The following PCDHGA5 variants were observed in gnomAD, a reference collection of about 807,000 sequenced individuals.
PCDHGA5 encodes the protein protocadherin gamma subfamily A, 5.
A neutral mutation model predicts 56.7 loss-of-function variants in PCDHGA5; 36 were observed. That is an observed-to-expected ratio of 0.64 (90% CI 0.49 to 0.84). The LOEUF (loss-of-function observed/expected upper bound fraction) is 0.84. Ranked by LOEUF, PCDHGA5 falls within the 40% of genes least tolerant of loss-of-function variation. PCDHGA5 has a pLI of 0.00. For missense variants in PCDHGA5, 1,305 were observed against 1,201.5 expected (o/e 1.09, Z -1.27); for synonymous variants, 563 against 520.2 (o/e 1.08, Z -1.12).
intron 1 of PCDHGA5, among the ~76,000 whole-genome samples, chr5:141,494,447 G>C (rs1413012155): frequency 6.6e-6 from 1 of 152,118 alleles, no homozygotes. Context: ...GCCACTTTAG[G>C]GGGCTTTGTC....
intron 1 of PCDHGA5, chr5:141,420,313 C>T (rs751944742): frequency 1.6e-5 from 23 of 1,434,756 alleles, no homozygotes; most frequent in Non-Finnish European, 2.2e-5. Flanking sequence ...TTTTATATTA[C>T]AATATGCCAA....
At chr5:141,392,809 C>T in intron 1 of PCDHGA5, 1 of 1,578,772 alleles carries the variant, frequency 6.3e-7, no homozygotes, top group African/African-American at 1.4e-5. Flanking sequence ...TGCAGCAAAA[C>T]AACAATGGCC....
rs1262043820 is a variant in PCDHGA5, at chr5:141,415,755, T to TTG, written c.2421+49005_2421+49006insGT. Reference sequence around the variant, plus strand: ...GTTTATTAAGGTTTTTTTTTTTTTTTTTTTTTTTTTTTTTTTTACTTTCTG... The same window carrying TTG: ...GTTTATTAAGGTTTTTTTTTTTTTTTTGTTTTTTTTTTTTTTTTTACTTTCTG... On this transcript the variant is annotated intron_variant, in intron 1 of 3. Transcript: ENST00000518069. 56 of 1,387,630 alleles carry TTG rather than the reference T, an allele frequency of 4.0e-5. No individual in the cohort carries two copies. The African/African-American group carries it at 7.5e-4, about 19-fold the overall frequency. The allele number at this position is 1,387,630 out of a possible 1,614,324, so 86.0% of individuals were successfully genotyped here. A position where few individuals can be genotyped will look rare whatever the true frequency, so the allele number is the denominator to read the frequency against.
intron 1 of PCDHGA5, among the ~76,000 whole-genome samples, chr5:141,437,452 G>GACTAT (rs1319101256): frequency 6.6e-6 from 1 of 152,144 alleles, no homozygotes; most frequent in Non-Finnish European, 1.5e-5. Context: ...ATGTTGAGGA[G>GACTAT]ACTATACTAT....
chr5:141,467,572 G>A (rs1351985954), intron 1 of PCDHGA5, among the ~76,000 whole-genome samples: 1 of 152,184 alleles, frequency 6.6e-6, no homozygotes, highest in African/African-American at 2.4e-5. Flanking sequence ...TGGCTATCCA[G>A]TTGTCCCAAT....
intron 2 of PCDHGA5, among the ~76,000 whole-genome samples, chr5:141,498,573 A>G (rs7725519): frequency 0.52 from 78,890 of 151,684 alleles, 21,175 homozygotes; most frequent in African/African-American, 0.65. Flanking sequence ...CAGGGCTAGT[A>G]TTGAGTTCTT....
rs778960850 is a variant in PCDHGA5, at chr5:141,389,261, G to A, written c.2421+22510G>A. 2.0e-5 allele frequency: 32 copies of A among 1,613,890 alleles called. No homozygotes were observed. The East Asian group carries it at 7.1e-4, about 36-fold the overall frequency. ...CACAGTCTTCCTATATAGTCCACGT[G>A]GCCGAGAACAACCCGCCTGGAGCCT... On this transcript the variant is annotated intron_variant, in intron 1 of 3. Coordinates refer to ENST00000518069, the MANE Select transcript of PCDHGA5 (RefSeq NM_018918.3).
intron 3 of PCDHGA5, chr5:141,506,988 A>G (rs1364718512): frequency 1.3e-5 from 2 of 152,192 alleles, no homozygotes; most frequent in Non-Finnish European, 2.9e-5. Context: ...CTGATTTCTC[A>G]CACTCGACAG....
chr5:141,371,086 T>C (rs1767472872), intron 1 of PCDHGA5: 2 of 1,613,836 alleles, frequency 1.2e-6, no homozygotes, highest in Admixed American at 3.3e-5. Context: ...ATCAGGGTAA[T>C]TGTCGCAGAT....
intron 1 of PCDHGA5, chr5:141,415,170 C>T (rs781724309): frequency 3.7e-6 from 6 of 1,613,878 alleles, no homozygotes; most frequent in South Asian, 2.2e-5. Flanking sequence ...TCACGCTCAC[C>T]GTGGCCGTGG....
At chr5:141,423,022 T>C in intron 1 of PCDHGA5, 1 of 1,614,194 alleles carries the variant, frequency 6.2e-7, no homozygotes, top group Non-Finnish European at 8.5e-7. Flanking sequence ...GGACAAAGAT[T>C]CAGGCCAGAA....
Position 141,456,287 on chromosome 5 carries a change from C to A in PCDHGA5, c.2422-38520C>A, listed in dbSNP as rs951430060. On this transcript the variant is annotated intron_variant, in intron 1 of 3. Transcript: ENST00000518069. ...CTGGCTACTTCCTGCTGAAAAGGGGCGTCTAATGGAGAACAGCAGCTAGGG... is the reference window on the plus strand; with the variant it reads ...CTGGCTACTTCCTGCTGAAAAGGGGAGTCTAATGGAGAACAGCAGCTAGGG... Among the ~76,000 whole-genome samples, 11 of 152,166 alleles carry A rather than the reference C, an allele frequency of 7.2e-5. No individual in the cohort carries two copies. In the East Asian group the frequency reaches 1.9e-3, roughly 27 times the overall value.
intron 1 of PCDHGA5, chr5:141,442,400 C>G (rs1478739190): frequency 6.6e-6 from 1 of 152,224 alleles, no homozygotes; most frequent in Admixed American, 6.5e-5. Context: ...TCCTACGAAT[C>G]CAGGGCTGAG....
At chr5:141,475,950 C>T (rs1236145505) in intron 1 of PCDHGA5, 3 of 761,526 alleles carry the variant, frequency 3.9e-6, no homozygotes, top group East Asian at 2.7e-5. Context: ...CCCCTTTCTG[C>T]GCCCCGGGAT....
rs772487189 is a variant in PCDHGA5 at position 141,415,555 on chromosome 5, C to G, written c.2421+48804C>G. 5 of 1,613,954 alleles carry G rather than the reference C, an allele frequency of 3.1e-6. No homozygotes were observed. In the African/African-American group the frequency reaches 6.7e-5, roughly 22 times the overall value. On this transcript the variant is annotated intron_variant, in intron 1 of 3. Transcript: ENST00000518069. ...CCAGGAGAGCTGTGAGAAAAACGAT[C>G]CTTTGTCTTTGTTAGATGATTCGAA...
chr5:141,372,132 C>A, intron 1 of PCDHGA5: 1 of 1,613,718 alleles, frequency 6.2e-7, no homozygotes, highest in Non-Finnish European at 8.5e-7. Flanking sequence ...TATGGTGCCG[C>A]GCTCTGCAGA....
At chr5:141,413,716 C>T in intron 1 of PCDHGA5, 2 of 1,613,608 alleles carry the variant, frequency 1.2e-6, no homozygotes, top group Non-Finnish European at 1.7e-6. Flanking sequence ...CCCCAATAAG[C>T]ACTTCTCCCT....
At chr5:141,427,006 G>C (rs1288837425) in intron 1 of PCDHGA5, 3 of 456,792 alleles carry the variant, frequency 6.6e-6, no homozygotes, top group South Asian at 3.1e-5. Flanking sequence ...CCAGTTTTTA[G>C]CCAGGATGTA....
chr5:141,418,513 G>A (rs377653202), intron 1 of PCDHGA5: 1 of 1,613,960 alleles, frequency 6.2e-7, no homozygotes, highest in Non-Finnish European at 8.5e-7. Flanking sequence ...TAGATGGTGG[G>A]GACCCTCCCC....
Sources: allele counts gnomAD v4.1 joint callset (sites outside exome capture counted in the v4.1 genomes callset), GRCh38; gene constraint gnomAD v4.1.1; transcripts MANE v1.5; gene names NCBI Gene and HGNC (gene_info 2026-07-23, HGNC 2026-07-21).